Variants in PKP2 observed in about 807,000 individuals in gnomAD.
PKP2 encodes the protein plakophilin-2.
Under a neutral mutation model 83.4 loss-of-function variants are expected in PKP2, and 73 were observed. The observed-to-expected ratio is 0.88, with a 90% CI of 0.72 to 1.06. The LOEUF is 1.06. Ranked by LOEUF, PKP2 falls within the 50% of genes least tolerant of loss-of-function variation. The pLI is 0.00. For synonymous variants in PKP2, 409 were observed against 430.4 expected (o/e 0.95, Z 0.62); for missense variants, 966 against 1,065.4 (o/e 0.91, Z 1.30).
At chr12:32,880,308 G>A (rs1956974146) in intron 1 of PKP2, among the ~76,000 whole-genome samples, 1 of 151,962 alleles carries the variant, frequency 6.6e-6, no homozygotes, top group Admixed American at 6.6e-5. Flanking sequence ...GCTGAGGCAG[G>A]AGAATCGCTT....
intron 8 of PKP2, 29 bp downstream of exon 8, chr12:32,822,438 C>T (rs776223131): frequency 6.3e-7 from 1 of 1,591,148 alleles, no homozygotes; most frequent in East Asian, 2.2e-5. Flanking sequence ...CTCTCCCTTT[C>T]TCATTCTTTC....
intron 6 of PKP2, among the ~76,000 whole-genome samples, chr12:32,838,081 C>T (rs1249237380): frequency 1.3e-5 from 2 of 152,150 alleles, no homozygotes; most frequent in African/African-American, 4.8e-5. Context: ...TGGCTAGGTT[C>T]CCATCAATAG....
intron 4 of PKP2, among the ~76,000 whole-genome samples, chr12:32,856,687 G>A (rs750025624): frequency 1.3e-5 from 2 of 151,778 alleles, no homozygotes; most frequent in Admixed American, 6.6e-5. Flanking sequence ...CACTAACATG[G>A]CATATGTATA....
chr12:32,794,789 G>A (rs1393711254), intron 11 of PKP2, among the ~76,000 whole-genome samples: 1 of 151,602 alleles, frequency 6.6e-6, no homozygotes, highest in Non-Finnish European at 1.5e-5. Flanking sequence ...GAATATTCTT[G>A]GGGAACTGAC....
In PKP2 at chr12:32,821,388, C is replaced by T. The variant is rs1199864691; in HGVS notation, c.1981G>A (p.Ala661Thr). 1 of 1,614,140 alleles carries T rather than the reference C, an allele frequency of 6.2e-7. No homozygotes were observed. The highest frequency in any genetic ancestry group is 1.7e-5 in the Admixed American group (1 of 60,028). ...CTTCCGGCCGTGAGGTTCTGCAGAGCTCCTAAGGATGCTTCTTGTGTGTAG... is the reference window on the plus strand; with the variant it reads ...CTTCCGGCCGTGAGGTTCTGCAGAGTTCCTAAGGATGCTTCTTGTGTGTAG... ...RNYTQEASLGALQNLTAGSGP... is the reference protein window; with the variant it reads ...RNYTQEASLGTLQNLTAGSGP... The change falls in exon 9 of 13, where the codon GCT (alanine) becomes ACT (threonine). Residue 661 changes from alanine to threonine, a missense_variant. Transcript: ENST00000340811.
chr12:32,794,081 G>T (rs915302217), intron 11 of PKP2, among the ~76,000 whole-genome samples: 1 of 152,124 alleles, frequency 6.6e-6, no homozygotes, highest in Non-Finnish European at 1.5e-5. Context: ...GTGCAAAGAT[G>T]TACGGAGAAG....
chr12:32,836,150 T>G (rs944131538), intron 6 of PKP2, among the ~76,000 whole-genome samples: 9 of 152,192 alleles, frequency 5.9e-5, no homozygotes, highest in African/African-American at 2.2e-4. Context: ...AAGAAAAAAT[T>G]GGAAACTTAC....
chr12:32,836,268 C>T (rs1283263084), intron 6 of PKP2, among the ~76,000 whole-genome samples: 2 of 152,152 alleles, frequency 1.3e-5, no homozygotes, highest in East Asian at 1.9e-4. Context: ...GCACTGATGC[C>T]TGTGGTAAAT....
At chr12:32,859,727 A>G (rs1414739322) in intron 4 of PKP2, among the ~76,000 whole-genome samples, 4 of 152,192 alleles carry the variant, frequency 2.6e-5, no homozygotes, top group Non-Finnish European at 5.9e-5. Flanking sequence ...AAGTTCTGGG[A>G]TTACAGGTAT....
chr12:32,806,607 C>CTTCTT, intron 9 of PKP2, among the ~76,000 whole-genome samples: 1 of 151,708 alleles, frequency 6.6e-6, no homozygotes, highest in Non-Finnish European at 1.5e-5. Flanking sequence ...TCTCTCTTTT[C>CTTCTT]TATTAGTCTA....
At position 32,878,151 on chromosome 12, in the gene PKP2, G is replaced by T; in HGVS notation, c.729C>A (p.Tyr243Ter). The T allele has an allele frequency of 6.2e-7, 1 of 1,614,254 alleles. No individual in the cohort carries two copies. Among genetic ancestry groups the T allele is most frequent in the Non-Finnish European group, 8.5e-7 (1 of 1,180,042 alleles). Residue 243 changes from tyrosine (Y) to a stop codon, truncating the protein, a stop_gained, in exon 3 of 13, where the codon TAC becomes TAA. Coordinates refer to ENST00000340811, the MANE Select transcript of PKP2 (RefSeq NM_001005242.3). LOFTEE classifies it high-confidence loss of function. ...SIPANPALLT[Y>*]PRPGTSRSMG... ...TGCTGCGGCTGGTCCCTGGCCTGGG[G>T]TACGTGAGCAGGGCCGGGTTGGCAG...
chr12:32,824,063 A>C lies in PKP2; in HGVS notation c.1656T>G (p.Asp552Glu), dbSNP rs772764923. ...LVHYVRGTIA[D>E]YQPDDKATEN... ...GAATTACCTTGTCATCTGGCTGGTA[A>C]TCTGCAATGGTTCCTCTGACATAAT... Residue 552 changes from aspartate (D) to glutamate (E), a missense_variant, in exon 7 of 13, where the codon GAT becomes GAG. Transcript: ENST00000340811. The C allele has an allele frequency of 1.3e-6, 2 of 1,592,212 alleles. No homozygotes were observed. The highest frequency in any genetic ancestry group is 2.2e-5 in the East Asian group (1 of 44,788).
chr12:32,811,412 A>T (rs530962016), intron 9 of PKP2, among the ~76,000 whole-genome samples: 1 of 152,346 alleles, frequency 6.6e-6, no homozygotes, highest in East Asian at 1.9e-4. Context: ...TTCATTAGCC[A>T]TGACTCTGGC....
At chr12:32,844,752 G>C (rs957660692) in intron 5 of PKP2, among the ~76,000 whole-genome samples, 1 of 152,184 alleles carries the variant, frequency 6.6e-6, no homozygotes, top group Non-Finnish European at 1.5e-5. Flanking sequence ...GACTAGATGA[G>C]CAGTTTCCAA....
chr12:32,803,244 G>A (rs536413521), intron 9 of PKP2, among the ~76,000 whole-genome samples: 10 of 152,078 alleles, frequency 6.6e-5, no homozygotes, highest in South Asian at 2.1e-4. Context: ...GTGGTGGCAC[G>A]TGCCTGTAGT....
chr12:32,896,281 G>A (rs1218777019), intron 1 of PKP2, among the ~76,000 whole-genome samples: 1 of 152,210 alleles, frequency 6.6e-6, no homozygotes, highest in Non-Finnish European at 1.5e-5. Flanking sequence ...AACATTGATA[G>A]ATATGTACAA....
At chr12:32,842,919 C>T (rs1956609580) in intron 5 of PKP2, among the ~76,000 whole-genome samples, 1 of 151,574 alleles carries the variant, frequency 6.6e-6, no homozygotes, top group Admixed American at 6.6e-5. Flanking sequence ...GTGATCCGCC[C>T]ACCTCGGCCT....
At chr12:32,831,911 G>T (rs2137806152) in intron 6 of PKP2, among the ~76,000 whole-genome samples, 1 of 152,266 alleles carries the variant, frequency 6.6e-6, no homozygotes, top group Admixed American at 6.5e-5. Flanking sequence ...TGGGTGACCA[G>T]GCAAGCATAG....
intron 9 of PKP2, among the ~76,000 whole-genome samples, chr12:32,810,306 C>G (rs1011485347): frequency 3.9e-5 from 6 of 152,154 alleles, no homozygotes; most frequent in Non-Finnish European, 8.8e-5. Flanking sequence ...TTCCAGCTAA[C>G]TGACAGATTG....
Sources: allele counts gnomAD v4.1 joint callset (sites outside exome capture counted in the v4.1 genomes callset), GRCh38; gene constraint gnomAD v4.1.1; transcripts MANE v1.5; gene names NCBI Gene and HGNC (gene_info 2026-07-23, HGNC 2026-07-21).